Variants in ERC2 observed in about 807,000 individuals in gnomAD.
ERC2 encodes the protein ERC protein 2.
In ERC2, 42 loss-of-function variants were observed where a neutral mutation model predicts 114.8. The ratio of observed to expected loss-of-function variants is 0.37; its 90% CI spans 0.29 to 0.47. The LOEUF is 0.47. ERC2 is among the 20% of genes least tolerant of loss of function. The probability of loss-of-function intolerance (pLI) is 0.99; values close to 1 mark genes in which losing one functional copy is unlikely to be tolerated. For synonymous variants in ERC2, 454 were observed against 425.5 expected, an observed-to-expected ratio of 1.07 and a Z score of -0.82; for missense variants, 939 against 1,150.7, an observed-to-expected ratio of 0.82 and a Z score of 2.66.
At chr3:56,053,073 C>T (rs10461036) in intron 7 of ERC2, among the ~76,000 whole-genome samples, 20,441 of 152,154 alleles carry the variant, frequency 0.13, 1,471 homozygotes, top group East Asian at 0.16. Context: ...CTCCACATGG[C>T]GAGGCAGCAC....
intron 1 of ERC2, among the ~76,000 whole-genome samples, chr3:56,438,381 C>A (rs568939627): frequency 1.9e-4 from 28 of 151,064 alleles, no homozygotes; most frequent in Non-Finnish European, 3.5e-4. Flanking sequence ...TAAACCCTTA[C>A]GTTAGTTGGT....
chr3:55,622,812 C>T lies in ERC2; in HGVS notation c.*39+60982G>A, dbSNP rs533611292. Among the ~76,000 whole-genome samples the T allele has an allele frequency of 2.0e-5, 3 of 152,058 alleles. No individual in the cohort carries two copies. The South Asian group carries it at 6.2e-4, about 32-fold the overall frequency. The stretch of plus-strand genomic sequence containing the variant: ...GGAAGAGTGAGTGCTTGAGTTCCTC[C>T]TCCTCATATTAGAGGAGGAGTGAGG... On this transcript the variant is annotated intron_variant, in intron 17 of 17. Transcript: ENST00000288221.
At chr3:56,356,660 GCATT>G (rs2058755881) in intron 2 of ERC2, among the ~76,000 whole-genome samples, 1 of 151,974 alleles carries the variant, frequency 6.6e-6, no homozygotes, top group African/African-American at 2.4e-5. Context: ...CAGATTTTAC[GCATT>G]CTCCACAATT....
intron 17 of ERC2, among the ~76,000 whole-genome samples, chr3:55,649,988 G>A (rs1444085397): frequency 6.6e-6 from 1 of 152,210 alleles, no homozygotes; most frequent in Non-Finnish European, 1.5e-5. Context: ...TGGGTCCCAG[G>A]TCCTGAATCC....
At chr3:55,750,111 T>C (rs144698160) in intron 14 of ERC2, among the ~76,000 whole-genome samples, 11 of 152,248 alleles carry the variant, frequency 7.2e-5, no homozygotes, top group Admixed American at 2.0e-4. Flanking sequence ...CTACGTGTTA[T>C]GAAGGATCAG....
intron 17 of ERC2, among the ~76,000 whole-genome samples, chr3:55,639,360 G>A (rs1331750351): frequency 6.6e-6 from 1 of 152,270 alleles, no homozygotes; most frequent in East Asian, 1.9e-4. Context: ...GTGCTGAACT[G>A]CAGGGGAGGA....
At chr3:55,935,547 G>T (rs905664214) in intron 13 of ERC2, among the ~76,000 whole-genome samples, 5 of 152,150 alleles carry the variant, frequency 3.3e-5, no homozygotes, top group African/African-American at 4.8e-5. Context: ...TCACATAAGT[G>T]CTATTGGCCA....
chr3:56,007,788 C>A (rs2072615393), intron 9 of ERC2, among the ~76,000 whole-genome samples: 1 of 152,100 alleles, frequency 6.6e-6, no homozygotes, highest in Non-Finnish European at 1.5e-5. Context: ...AATCCCATTT[C>A]TTTAACAGAT....
At chr3:56,464,763 T>G (rs991470549) in intron 1 of ERC2, among the ~76,000 whole-genome samples, 8 of 151,362 alleles carry the variant, frequency 5.3e-5, no homozygotes, top group Non-Finnish European at 1.2e-4. Flanking sequence ...ACTAAGAAAA[T>G]CACAATAAAA....
chr3:56,230,790 G>A (rs926659314), intron 3 of ERC2, among the ~76,000 whole-genome samples: 4 of 152,142 alleles, frequency 2.6e-5, no homozygotes, highest in African/African-American at 9.7e-5. Context: ...TCAAAATTGT[G>A]TCAAAAAATG....
At chr3:55,913,616 T>A (rs1002964145) in intron 13 of ERC2, among the ~76,000 whole-genome samples, 13 of 152,120 alleles carry the variant, frequency 8.5e-5, no homozygotes, top group Non-Finnish European at 1.6e-4. Flanking sequence ...GAAAAAAAAA[T>A]ATTTTATGGA....
intron 17 of ERC2, among the ~76,000 whole-genome samples, chr3:55,667,492 T>C (rs891896731): frequency 2.6e-5 from 4 of 152,362 alleles, no homozygotes; most frequent in Admixed American, 1.3e-4. Flanking sequence ...CACCTGGCTA[T>C]TTGTGCACAT....
At chr3:55,837,175 A>G (rs1481630414) in intron 14 of ERC2, among the ~76,000 whole-genome samples, 1 of 152,214 alleles carries the variant, frequency 6.6e-6, no homozygotes, top group Non-Finnish European at 1.5e-5. Context: ...AACTAGTTCA[A>G]CCATTGTGGA....
intron 17 of ERC2, among the ~76,000 whole-genome samples, chr3:55,596,678 T>A (rs1258693591): frequency 6.6e-6 from 1 of 152,216 alleles, no homozygotes; most frequent in Non-Finnish European, 1.5e-5. Context: ...AATAAAAGGT[T>A]GGAAGAAATA....
At position 55,553,734 on chromosome 3, in the gene ERC2, C is replaced by T. The variant is rs191791104; in HGVS notation, c.*40-42458G>A. ...GGTGGAGCTTGCCGTGAGTCAAGATCGCGCCACTGCTCTCCAGCCTGGGTG... is the reference window on the plus strand; with the variant it reads ...GGTGGAGCTTGCCGTGAGTCAAGATTGCGCCACTGCTCTCCAGCCTGGGTG... On this transcript the variant is annotated intron_variant, in intron 17 of 17. Coordinates refer to ENST00000288221, the MANE Select transcript of ERC2 (RefSeq NM_015576.3). 5.0e-3 allele frequency among the ~76,000 whole-genome samples: 759 copies of T among 151,954 alleles called. 3 individuals are homozygous for T. Among genetic ancestry groups the T allele is most frequent in the African/African-American group, 0.017 (692 of 41,444 alleles).
At chr3:56,386,785 G>A (rs1435262156) in intron 2 of ERC2, among the ~76,000 whole-genome samples, 1 of 152,126 alleles carries the variant, frequency 6.6e-6, no homozygotes. Context: ...ATAGAAACAT[G>A]GAGAACTGTA....
At chr3:56,070,907 G>C (rs1052913864) in intron 7 of ERC2, among the ~76,000 whole-genome samples, 17 of 152,124 alleles carry the variant, frequency 1.1e-4, no homozygotes, top group Middle Eastern at 3.4e-3. Context: ...GCTTTGACTG[G>C]ACCACTACTC....
chr3:55,707,866 T>A (rs709339), intron 15 of ERC2, among the ~76,000 whole-genome samples: 88,761 of 152,042 alleles, frequency 0.58, 26,605 homozygotes, highest in South Asian at 0.75. Context: ...TTGCCTTGGT[T>A]GAAGCTTCTT....
At chr3:56,210,294 A>C (rs2048980789) in intron 3 of ERC2, among the ~76,000 whole-genome samples, 1 of 152,196 alleles carries the variant, frequency 6.6e-6, no homozygotes, top group South Asian at 2.1e-4. Context: ...ATCTAATTGA[A>C]AAGAAGGGAA....
Sources: allele counts gnomAD v4.1 joint callset (sites outside exome capture counted in the v4.1 genomes callset), GRCh38; gene constraint gnomAD v4.1.1; transcripts MANE v1.5; gene names NCBI Gene and HGNC (gene_info 2026-07-23, HGNC 2026-07-21).